Variants in FOXN3 observed in about 807,000 individuals in gnomAD.
FOXN3 encodes the protein forkhead box N3.
In FOXN3, 7 loss-of-function variants were observed where a neutral mutation model predicts 38.4. The ratio of observed to expected loss-of-function variants is 0.18; its 90% CI spans 0.10 to 0.34. The LOEUF (loss-of-function observed/expected upper bound fraction) is 0.34. FOXN3 is among the 10% of genes least tolerant of loss of function. The probability of loss-of-function intolerance (pLI) is 1.00; values close to 1 mark genes in which losing one functional copy is unlikely to be tolerated. For synonymous variants in FOXN3, 230 were observed against 242.2 expected, an observed-to-expected ratio of 0.95 and a Z score of 0.47; for missense variants, 456 against 613.4, an observed-to-expected ratio of 0.74 and a Z score of 2.71.
intron 2 of FOXN3, among the ~76,000 whole-genome samples, chr14:89,360,710 C>T (rs879490674): frequency 2.1e-5 from 3 of 145,700 alleles, no homozygotes; most frequent in Non-Finnish European, 4.5e-5. Flanking sequence ...CCACCACCTC[C>T]AGCACTACCT....
intron 1 of FOXN3, among the ~76,000 whole-genome samples, chr14:89,605,254 G>A (rs1376107366): frequency 6.6e-6 from 1 of 152,174 alleles, no homozygotes; most frequent in Non-Finnish European, 1.5e-5. Context: ...GAGTTAAGTG[G>A]TCTAAGGTCC....
At chr14:89,288,138 AAGAG>A (rs1004589802) in intron 3 of FOXN3, among the ~76,000 whole-genome samples, 6 of 152,146 alleles carry the variant, frequency 3.9e-5, no homozygotes, top group Admixed American at 3.3e-4. Flanking sequence ...AAGAGACAGA[AAGAG>A]ACCAGGTAGA....
intron 4 of FOXN3, among the ~76,000 whole-genome samples, chr14:89,191,761 AAAAAATAG>A (rs1887949431): frequency 6.6e-6 from 1 of 151,644 alleles, no homozygotes; most frequent in African/African-American, 2.4e-5. Context: ...CAAAAAAAAA[AAAAAATAG>A]AACTTGACTT....
intron 2 of FOXN3, among the ~76,000 whole-genome samples, chr14:89,363,961 T>TATATATATATATATATATATATATATATA (rs1890009809): frequency 6.8e-5 from 1 of 14,678 alleles, no homozygotes; most frequent in Non-Finnish European, 1.6e-4. Flanking sequence ...TATATATATA[T>TATATATATATATATATATATATATATATA]ATATATATAT....
chr14:89,450,624 C>T lies in FOXN3; in HGVS notation c.-14-38134G>A, dbSNP rs559999763. On this transcript the variant is annotated intron_variant, in intron 1 of 6. Coordinates refer to the FOXN3 transcript ENST00000345097. The stretch of plus-strand genomic sequence containing the variant: ...TTTTTTAGACAGAGTCTCGCCCTGT[C>T]GCCCAGGCTGGAGTGCAGTGGCACA... Among the ~76,000 whole-genome samples the T allele has an allele frequency of 7.9e-5, 12 of 151,312 alleles. No individual in the cohort carries two copies. In the East Asian group the frequency reaches 2.1e-3, roughly 27 times the overall value.
At chr14:89,195,588 G>A (rs555932283) in intron 4 of FOXN3, among the ~76,000 whole-genome samples, 6 of 152,140 alleles carry the variant, frequency 3.9e-5, no homozygotes, top group East Asian at 3.9e-4. Flanking sequence ...AGGGTAAAGG[G>A]CCCAGGACAA....
At chr14:89,493,552 G>A (rs1442859743) in intron 1 of FOXN3, among the ~76,000 whole-genome samples, 1 of 152,086 alleles carries the variant, frequency 6.6e-6, no homozygotes, top group Non-Finnish European at 1.5e-5. Context: ...CCAGCAAATG[G>A]TACTAAAAAG....
intron 4 of FOXN3, among the ~76,000 whole-genome samples, chr14:89,255,827 A>G (rs1229182285): frequency 1.3e-5 from 2 of 152,190 alleles, no homozygotes; most frequent in African/African-American, 4.8e-5. Flanking sequence ...ACTGTCCTCA[A>G]GAAAAAAGGT....
chr14:89,274,018 G>A (rs1320713396), intron 4 of FOXN3, among the ~76,000 whole-genome samples: 1 of 152,174 alleles, frequency 6.6e-6, no homozygotes, highest in Non-Finnish European at 1.5e-5. Context: ...TTAGGTGGAT[G>A]CCCTCCTTTG....
Position 89,522,633 on chromosome 14 carries a change from T to G in FOXN3, c.-15+96395A>C, listed in dbSNP as rs188834135. On this transcript the variant is annotated intron_variant, in intron 1 of 6. Transcript: ENST00000345097. ...ATTGCAGTGTCTTCTTTTAAGATTT[T>G]TATACTATAAATTAATATAATATAG... 1.7e-3 allele frequency among the ~76,000 whole-genome samples: 254 copies of G among 152,200 alleles called. 1 individual carries two copies. Among genetic ancestry groups the G allele is most frequent in the African/African-American group, 5.8e-3 (243 of 41,560 alleles).
chr14:89,299,082 G>A (rs1242718853), intron 3 of FOXN3, among the ~76,000 whole-genome samples: 6 of 150,202 alleles, frequency 4.0e-5, no homozygotes, highest in East Asian at 1.9e-4. Flanking sequence ...CACCTTCTGG[G>A]TGCTCACACC....
At chr14:89,475,850 A>C (rs1180685655) in intron 1 of FOXN3, among the ~76,000 whole-genome samples, 1 of 152,178 alleles carries the variant, frequency 6.6e-6, no homozygotes, top group Non-Finnish European at 1.5e-5. Flanking sequence ...CCGATTCTTC[A>C]CCAGTTTATC....
Position 89,412,356 on chromosome 14 carries a change from G to C in FOXN3, c.121C>G (p.Leu41Val). 1 of 1,614,152 alleles carries C rather than the reference G, an allele frequency of 6.2e-7. No individual in the cohort carries two copies. The highest frequency in any genetic ancestry group is 8.5e-7 in the Non-Finnish European group (1 of 1,180,038). ...CGGATGTCAGGCAGAGAAAAGTCGA[G>C]GTCATCGTCTTCCTGAAGGGCCTTG... is the stretch of plus-strand genomic sequence containing the variant. ...FSKALQEDDD[L>V]DFSLPDIRLE... The change falls in exon 2 of 6, where the codon CTC becomes GTC. Residue 41 changes from leucine to valine, a missense_variant. This residue lies in a region of FOXN3 where 59 missense variants were observed against 69.0 expected (regional missense o/e 0.85). Transcript: ENST00000557258. This position sits in a 1 kb window ranked among gnomAD's most constrained non-coding sequence, Gnocchi z 4.7.
chr14:89,401,658 A>G (rs2140088008), intron 2 of FOXN3: 1 of 455,978 alleles, frequency 2.2e-6, no homozygotes, highest in African/African-American at 2.0e-5. Context: ...GTCAGCGCTC[A>G]CATGACTTGG....
chr14:89,425,070 T>C (rs1475793681), intron 1 of FOXN3, among the ~76,000 whole-genome samples: 2 of 143,994 alleles, frequency 1.4e-5, no homozygotes, highest in African/African-American at 2.6e-5. Context: ...TTCTTTTTTT[T>C]TTTTTTTTTT....
At chr14:89,592,786 T>C (rs1240809598) in intron 1 of FOXN3, among the ~76,000 whole-genome samples, 2 of 151,982 alleles carry the variant, frequency 1.3e-5, no homozygotes, top group Admixed American at 6.6e-5. Context: ...GAAGAGAACA[T>C]GGGATCCAGG....
intron 4 of FOXN3, among the ~76,000 whole-genome samples, chr14:89,213,008 G>A (rs1422320870): frequency 6.6e-6 from 1 of 151,320 alleles, no homozygotes; most frequent in African/African-American, 2.5e-5. Context: ...TTAGTAGAGG[G>A]AGGGGGAATT....
chr14:89,491,149 T>G (rs1040054580), intron 1 of FOXN3, among the ~76,000 whole-genome samples: 3 of 151,982 alleles, frequency 2.0e-5, no homozygotes, highest in East Asian at 1.9e-4. Flanking sequence ...TTGTTTTTTT[T>G]TTTTTAAGTA....
At chr14:89,286,365 C>A (rs1886628880) in intron 3 of FOXN3, among the ~76,000 whole-genome samples, 1 of 152,154 alleles carries the variant, frequency 6.6e-6, no homozygotes, top group East Asian at 1.9e-4. Context: ...CACGACAAAG[C>A]AGAAAGCCCA....
Sources: gnomAD v4.1 joint callset for allele counts (sites outside exome capture counted in the v4.1 genomes callset) on GRCh38, gnomAD v4.1.1 for gene constraint, gnomAD v4.1.1 regional missense constraint, Gnocchi (gnomAD v3.1) non-coding constraint, MANE v1.5 for transcripts, NCBI Gene and HGNC (gene_info 2026-07-23, HGNC 2026-07-21) for gene names.